FAAP100: variants seen among roughly 807,000 people sequenced by gnomAD.
FAAP100 encodes Fanconi anemia core complex-associated protein 100.
A neutral mutation model predicts 65.8 loss-of-function variants in FAAP100; 46 were observed. The ratio of observed to expected loss-of-function variants is 0.70; its 90% confidence interval spans 0.55 to 0.89. FAAP100 has a LOEUF of 0.89. FAAP100 is among the 40% of genes least tolerant of loss of function. The probability of loss-of-function intolerance (pLI) is 0.00; values close to 1 mark genes in which losing one functional copy is unlikely to be tolerated. For missense variants in FAAP100, 1,165 were observed against 1,196.7 expected, an observed-to-expected ratio of 0.97 and a Z score of 0.39; for synonymous variants, 663 against 555.1, an observed-to-expected ratio of 1.19 and a Z score of -2.73.
At chr17:81,549,126 C>T in intron 4 of FAAP100, 80 bp downstream of exon 4, 1 of 1,550,050 alleles carries the variant, frequency 6.5e-7, no homozygotes, top group South Asian at 1.1e-5. Flanking sequence ...ACACTCACAC[C>T]CAGGACGACC....
Position 81,547,533 on chromosome 17 carries a change from G to C in FAAP100, c.1549C>G (p.Leu517Val). ...GCCATGAGCACATCCTGTGTCTGCA[G>C]GCGGCTCCAGGTGGTGCTGGTGGTG... ...SCTTSTTWSR[L>V]QTQDVLMATC... Residue 517 changes from leucine to valine, a missense_variant, in exon 5 of 9, where the codon CTG becomes GTG. Leu to Val is a conservative substitution (Grantham distance 32, BLOSUM62 1). Coordinates refer to ENST00000327787, the MANE Select transcript of FAAP100 (RefSeq NM_025161.6). 1 of 1,613,510 alleles carries C rather than the reference G, an allele frequency of 6.2e-7. No homozygotes were observed. The highest frequency in any genetic ancestry group is 8.5e-7 in the Non-Finnish European group (1 of 1,180,026).
chr17:81,540,024 T>G lies in FAAP100; in HGVS notation c.*795A>C. The G allele has an allele frequency of 2.5e-6, 1 of 398,614 alleles. No homozygotes were observed. Among genetic ancestry groups the G allele is most frequent in the Non-Finnish European group, 4.4e-6 (1 of 226,090 alleles). 24.7% of individuals were successfully genotyped at this position (398,614 alleles called of 1,614,324 possible). A position where few individuals can be genotyped will look rare whatever the true frequency, so the allele number is the denominator to read the frequency against. ...AGATGAAAACACCAGCACCAGGAGG[T>G]GGGCCGTAGCCCAGGCTGAGGGAGG... On this transcript the variant is annotated 3_prime_UTR_variant, in exon 9 of 9. Transcript: ENST00000327787.
At position 81,541,235 on chromosome 17, in the gene FAAP100, C is replaced by G. The variant is rs1002357462; in HGVS notation, c.2514+74G>C. 8.9e-6 allele frequency: 13 copies of G among 1,468,632 alleles called. No homozygotes were observed. The Admixed American group carries it at 1.9e-4, about 22-fold the overall frequency. 91.0% of individuals were successfully genotyped at this position (1,468,632 alleles called of 1,614,324 possible). On this transcript the variant is annotated intron_variant, in intron 8 of 8. Coordinates refer to ENST00000327787, the MANE Select transcript of FAAP100 (RefSeq NM_025161.6). Reference sequence around the variant, plus strand: ...TGAGGACTCTGCGGACCCCGAGTGACTAGAGGGGGGCCTGGCGATGGGCGC... The same window carrying G: ...TGAGGACTCTGCGGACCCCGAGTGAGTAGAGGGGGGCCTGGCGATGGGCGC...
At chr17:81,547,969 C>T (rs2033370394) in intron 4 of FAAP100, 1 of 703,266 alleles carries the variant, frequency 1.4e-6, no homozygotes. Context: ...CTAGGCTAAT[C>T]TGCCAGGTAT....
chr17:81,540,968 A>C lies in FAAP100; in HGVS notation c.2515-18T>G. ...AGCAGTGTCTGCAGGTGAAGCAGAC[A>C]CAGCTCAGGCCCCCCACCTGGCCCT... On this transcript the variant is annotated intron_variant, in intron 8 of 8. Coordinates refer to ENST00000327787, the MANE Select transcript of FAAP100 (RefSeq NM_025161.6). The C allele has an allele frequency of 1.3e-6, 2 of 1,563,916 alleles. No individual in the cohort carries two copies. The highest frequency in any genetic ancestry group is 1.7e-6 in the Non-Finnish European group (2 of 1,156,528).
At position 81,540,463 on chromosome 17, in the gene FAAP100, T is replaced by G; in HGVS notation, c.*356A>C. The G allele has an allele frequency of 5.0e-6, 2 of 403,606 alleles. No individual in the cohort carries two copies. 25.0% of individuals were successfully genotyped at this position (403,606 alleles called of 1,614,324 possible). A position where few individuals can be genotyped will look rare whatever the true frequency, so the allele number is the denominator to read the frequency against. On this transcript the variant is annotated 3_prime_UTR_variant, in exon 9 of 9. Transcript: ENST00000327787. The stretch of plus-strand genomic sequence containing the variant: ...TTTCTCTGGCCCTCCGGGTCCAGAA[T>G]GCCCTGCACTGCCTCCTGGCCTCAG...
Position 81,548,777 on chromosome 17 carries a change from C to T in FAAP100, c.1403+429G>A, listed in dbSNP as rs369341319. On this transcript the variant is annotated intron_variant, in intron 4 of 8. Transcript: ENST00000327787. ...AAGTAGGGTCGGGCCCGGTGGCTGA[C>T]GCCTGTAATTCCAGCACTTTGGGAG... Among the ~76,000 whole-genome samples, 23 of 151,610 alleles carry T rather than the reference C, an allele frequency of 1.5e-4. No homozygotes were observed. The East Asian group carries it at 2.0e-3, about 13-fold the overall frequency.
Position 81,549,262 on chromosome 17 carries a change from C to T in FAAP100, c.1347G>A (p.Glu449=). ...GCTCCTTTATTTTCTGACCTGCACT[C>T]TCTGTGGTCATCCTGGCTGGGCCAG... ...EMPGPARMTT[E]SAGQKIKELL... The change falls in exon 4 of 9, where the codon GAG becomes GAA. Residue 449 remains glutamate, a synonymous_variant. Coordinates refer to ENST00000327787, the MANE Select transcript of FAAP100 (RefSeq NM_025161.6). 2 of 1,613,264 alleles carry T rather than the reference C, an allele frequency of 1.2e-6. No homozygotes were observed. The highest frequency in any genetic ancestry group is 1.1e-5 in the South Asian group (1 of 91,078).
chr17:81,544,703 A>C (rs1329054789), intron 6 of FAAP100, among the ~76,000 whole-genome samples: 1 of 152,224 alleles, frequency 6.6e-6, no homozygotes, highest in East Asian at 1.9e-4. Flanking sequence ...ACACAGCACA[A>C]GAGGTGAGAC....
In FAAP100 at chr17:81,546,907, AC is replaced by A; in HGVS notation, c.2173+1del. On this transcript the variant is annotated splice_donor_variant, in intron 5 of 8. Coordinates refer to ENST00000327787, the MANE Select transcript of FAAP100 (RefSeq NM_025161.6). LOFTEE classifies it high-confidence loss of function. ...TGAGCAAAGCCAAGCAGTGCCACCAACCTGAGTGGCCGTCCTTCAAGGCAGC... is the reference window on the plus strand; with the variant it reads ...TGAGCAAAGCCAAGCAGTGCCACCAACTGAGTGGCCGTCCTTCAAGGCAGC... 7.2e-7 allele frequency: 1 copy of A among 1,383,558 alleles called. No individual in the cohort carries two copies. The highest frequency in any genetic ancestry group is 9.4e-7 in the Non-Finnish European group (1 of 1,062,236). 85.7% of individuals were successfully genotyped at this position (1,383,558 alleles called of 1,614,324 possible).
Position 81,540,667 on chromosome 17 carries a change from C to T in FAAP100, c.*152G>A. 1 of 1,086,596 alleles carries T rather than the reference C, an allele frequency of 9.2e-7. No individual in the cohort carries two copies. Among genetic ancestry groups the T allele is most frequent in the South Asian group, 2.2e-5 (1 of 46,102 alleles). 67.3% of individuals were successfully genotyped at this position (1,086,596 alleles called of 1,614,324 possible). On this transcript the variant is annotated 3_prime_UTR_variant, in exon 9 of 9. Transcript: ENST00000327787. ...CTTTGTGCTCCACGGCCTCCAAGCA[C>T]TTTCATGAGCGTTCTGCTCCTACGT... is the stretch of plus-strand genomic sequence containing the variant.
intron 2 of FAAP100, 110 bp downstream of exon 2, chr17:81,551,818 G>C: frequency 7.2e-7 from 1 of 1,391,152 alleles, no homozygotes; most frequent in Non-Finnish European, 9.3e-7. Context: ...CGAGGCTTCA[G>C]AGCTGGCGGC....
chr17:81,544,896 C>T (rs2033244983), intron 6 of FAAP100, among the ~76,000 whole-genome samples: 1 of 152,242 alleles, frequency 6.6e-6, no homozygotes, highest in Non-Finnish European at 1.5e-5. Flanking sequence ...GGGCCGGGCA[C>T]AGTGGCTCAC....
At position 81,549,275 on chromosome 17, in the gene FAAP100, C is replaced by T; in HGVS notation, c.1334G>A (p.Arg445Lys). 6.2e-7 allele frequency: 1 copy of T among 1,613,192 alleles called. No homozygotes were observed. The highest frequency in any genetic ancestry group is 1.1e-5 in the South Asian group (1 of 91,070). ...DLDSEMPGPA[R>K]MTTESAGQKI... ...CTGACCTGCACTCTCTGTGGTCATCCTGGCTGGGCCAGGCATCTCAGAGTC... is the reference window on the plus strand; with the variant it reads ...CTGACCTGCACTCTCTGTGGTCATCTTGGCTGGGCCAGGCATCTCAGAGTC... Residue 445 changes from arginine to lysine, a missense_variant, in exon 4 of 9, where the codon AGG (arginine) becomes AAG (lysine). By Grantham distance (26) the Arg-to-Lys change is conservative. Coordinates refer to ENST00000327787, the MANE Select transcript of FAAP100 (RefSeq NM_025161.6).
In FAAP100 at chr17:81,544,019, A is replaced by G; in HGVS notation, c.2412T>C (p.Val804=). The change falls in exon 7 of 9, where the codon GTT becomes GTC. Residue 804 remains valine (V), a synonymous_variant. Coordinates refer to ENST00000327787, the MANE Select transcript of FAAP100 (RefSeq NM_025161.6). ...LADICRAHHA[V]VGRMQTMVTE... is the part of the protein sequence containing the mutation. ...GCCGACATACCTGCATGCGCCCGACAACGGCATGGTGCGCCCTGCAAATGT... is the reference window on the plus strand; with the variant it reads ...GCCGACATACCTGCATGCGCCCGACGACGGCATGGTGCGCCCTGCAAATGT... The G allele has an allele frequency of 2.5e-6, 4 of 1,612,358 alleles. No individual in the cohort carries two copies. Among genetic ancestry groups the G allele is most frequent in the Non-Finnish European group, 3.4e-6 (4 of 1,179,626 alleles).
At position 81,551,845 on chromosome 17, in the gene FAAP100, C is replaced by G. The variant is rs931187466; in HGVS notation, c.290+83G>C. On this transcript the variant is annotated intron_variant, in intron 2 of 8. Coordinates refer to ENST00000327787, the MANE Select transcript of FAAP100 (RefSeq NM_025161.6). ...GCTGGCGGCAGCCCGGGTCCCCAAG[C>G]GCGATGAGGTGGGGCTGCTCGCTCT... The G allele has an allele frequency of 2.1e-6, 3 of 1,407,712 alleles. No homozygotes were observed. In the East Asian group the frequency reaches 9.0e-5, roughly 42 times the overall value. 87.2% of individuals were successfully genotyped at this position (1,407,712 alleles called of 1,614,324 possible). A position where few individuals can be genotyped will look rare whatever the true frequency, so the allele number is the denominator to read the frequency against.
chr17:81,543,050 TCA>T (rs894619606), intron 7 of FAAP100, among the ~76,000 whole-genome samples: 8 of 152,038 alleles, frequency 5.3e-5, no homozygotes, highest in South Asian at 4.2e-4. Context: ...CATGGCAGTG[TCA>T]CAGTGCAGGG....
At position 81,540,376 on chromosome 17, in the gene FAAP100, CTCCTGGTGGTGT is replaced by C. The variant is rs796285337; in HGVS notation, c.*431_*442del. 39 of 401,506 alleles carry C rather than the reference CTCCTGGTGGTGT, an allele frequency of 9.7e-5. 1 individual carries two copies. Among genetic ancestry groups the C allele is most frequent in the African/African-American group, 7.8e-4 (38 of 48,814 alleles). 24.9% of individuals were successfully genotyped at this position (401,506 alleles called of 1,614,324 possible). A position where few individuals can be genotyped will look rare whatever the true frequency, so the allele number is the denominator to read the frequency against. Reference sequence around the variant, plus strand: ...GTGCCACCCAGAGGGGCAGCCGGTGCTCCTGGTGGTGTGGCAGCAACAGTTACAAACTCACCC... The same window carrying C: ...GTGCCACCCAGAGGGGCAGCCGGTGCGGCAGCAACAGTTACAAACTCACCC... On this transcript the variant is annotated 3_prime_UTR_variant, in exon 9 of 9. Coordinates refer to ENST00000327787, the MANE Select transcript of FAAP100 (RefSeq NM_025161.6).
chr17:81,545,541 C>A (rs8074089), intron 6 of FAAP100, among the ~76,000 whole-genome samples: 1 of 152,012 alleles, frequency 6.6e-6, no homozygotes, highest in African/African-American at 2.4e-5. Flanking sequence ...GGCCAGTCCT[C>A]GGGGATCTGA....
Sources: gnomAD v4.1 joint callset for allele counts (sites outside exome capture counted in the v4.1 genomes callset) on GRCh38, gnomAD v4.1.1 for gene constraint, MANE v1.5 for transcripts, NCBI Gene and HGNC (gene_info 2026-07-23, HGNC 2026-07-21) for gene names.